The following NDUFA9 variants were observed in gnomAD, a reference collection of about 807,000 sequenced individuals.
The protein encoded by NDUFA9 is NADH:ubiquinone oxidoreductase subunit A9, also known as NADH dehydrogenase [ubiquinone] 1 alpha subcomplex subunit 9, mitochondrial.
In NDUFA9, 23 loss-of-function variants were observed where a neutral mutation model predicts 45.9. That is an observed-to-expected ratio of 0.50 (90% CI 0.36 to 0.71). The LOEUF is 0.71. Among genes scored for constraint, NDUFA9 ranks in the 30% least tolerant of loss-of-function variants. The probability of loss-of-function intolerance (pLI) is 0.00; values close to 1 mark genes in which losing one functional copy is unlikely to be tolerated. For missense variants in NDUFA9, 466 were observed against 488.2 expected, an observed-to-expected ratio of 0.95 and a Z score of 0.43; for synonymous variants, 176 against 170.5, an observed-to-expected ratio of 1.03 and a Z score of -0.25.
chr12:4,689,244 T>C lies in NDUFA9; in HGVS notation c.*2136T>C, dbSNP rs1946005381. 6.6e-6 allele frequency: 1 copy of C among 152,292 alleles called. No homozygotes were observed. The highest frequency in any genetic ancestry group is 1.5e-5 in the Non-Finnish European group (1 of 68,086). 9.4% of individuals were successfully genotyped at this position (152,292 alleles called of 1,614,324 possible). A position where few individuals can be genotyped will look rare whatever the true frequency, so the allele number is the denominator to read the frequency against. ...TTATCTTCATTTTCTAGCAATGCTA[T>C]TTCTCATCTCTAACTTGTATCATCT... On this transcript the variant is annotated 3_prime_UTR_variant, in exon 11 of 11. Transcript: ENST00000266544.
chr12:4,651,027 A>G (rs1164997201), intron 1 of NDUFA9, among the ~76,000 whole-genome samples: 6 of 152,348 alleles, frequency 3.9e-5, no homozygotes, highest in African/African-American at 1.2e-4. Context: ...TGCTTTCTAT[A>G]GTAATAATAG....
At chr12:4,678,118 A>T (rs1467660571) in intron 8 of NDUFA9, among the ~76,000 whole-genome samples, 1 of 152,132 alleles carries the variant, frequency 6.6e-6, no homozygotes, top group Non-Finnish European at 1.5e-5. Flanking sequence ...TGAACATCAC[A>T]CACTGGGGCC....
At chr12:4,685,177 C>G (rs773192442) in intron 9 of NDUFA9, 82 bp from the exon 10 acceptor site, 1 of 1,240,440 alleles carries the variant, frequency 8.1e-7, no homozygotes, top group African/African-American at 1.5e-5. Context: ...AGCGGTCTGT[C>G]TTCCTGCAGT....
chr12:4,669,411 T>A (rs1050530391), intron 7 of NDUFA9, among the ~76,000 whole-genome samples: 7 of 152,154 alleles, frequency 4.6e-5, no homozygotes, highest in African/African-American at 1.7e-4. Flanking sequence ...CAAAAGCAAA[T>A]CAGAGGGGCC....
At chr12:4,666,639 A>T (rs1215230810) in intron 6 of NDUFA9, among the ~76,000 whole-genome samples, 1 of 152,154 alleles carries the variant, frequency 6.6e-6, no homozygotes, top group Non-Finnish European at 1.5e-5. Context: ...ATCTTTCCCC[A>T]TTGAATGGTC....
At chr12:4,664,259 G>C (rs915561370) in intron 6 of NDUFA9, among the ~76,000 whole-genome samples, 1 of 152,264 alleles carries the variant, frequency 6.6e-6, no homozygotes, top group East Asian at 1.9e-4. Flanking sequence ...AGAGATTGTG[G>C]ATGCGACTCA....
At chr12:4,656,181 T>A (rs1945789493) in intron 3 of NDUFA9, among the ~76,000 whole-genome samples, 1 of 152,240 alleles carries the variant, frequency 6.6e-6, no homozygotes, top group East Asian at 1.9e-4. Flanking sequence ...TGACTCAGTG[T>A]TCACAAGCTA....
chr12:4,679,524 C>CA (rs1239341040), intron 8 of NDUFA9, among the ~76,000 whole-genome samples: 1 of 152,002 alleles, frequency 6.6e-6, no homozygotes, highest in Non-Finnish European at 1.5e-5. Flanking sequence ...AAGGAAAGTC[C>CA]AGTTAATTGG....
At chr12:4,669,341 G>C (rs892883039) in intron 7 of NDUFA9, among the ~76,000 whole-genome samples, 1 of 152,202 alleles carries the variant, frequency 6.6e-6, no homozygotes, top group Non-Finnish European at 1.5e-5. Flanking sequence ...AAGCCTAATA[G>C]CTTGTGATGG....
Position 4,690,780 on chromosome 12 carries a change from T to TCC in NDUFA9, c.*3673_*3674insCC, listed in dbSNP as rs1342921552. The TCC allele has an allele frequency of 3.3e-5, 5 of 152,156 alleles. No homozygotes were observed. The highest frequency in any genetic ancestry group is 1.2e-4 in the African/African-American group (5 of 41,426). 9.4% of individuals were successfully genotyped at this position (152,156 alleles called of 1,614,324 possible). ...ATATATGGGAATATATGCAAAGATC[T>TCC]CTGAGAAGATAAAGAAAGGTCTCTG... On this transcript the variant is annotated 3_prime_UTR_variant, in exon 11 of 11. Coordinates refer to ENST00000266544, the MANE Select transcript of NDUFA9 (RefSeq NM_005002.5).
At chr12:4,665,537 A>G (rs148849513) in intron 6 of NDUFA9, among the ~76,000 whole-genome samples, 67 of 152,320 alleles carry the variant, frequency 4.4e-4, no homozygotes, top group African/African-American at 1.5e-3. Context: ...TAATGCTGCA[A>G]TGACCATGGA....
At chr12:4,675,201 A>G (rs1945911613) in intron 8 of NDUFA9, among the ~76,000 whole-genome samples, 2 of 152,242 alleles carry the variant, frequency 1.3e-5, no homozygotes, top group South Asian at 4.1e-4. Context: ...CTAAATGCCC[A>G]CAAGAGAAAG....
Position 4,689,542 on chromosome 12 carries a change from T to C in NDUFA9, c.*2434T>C, listed in dbSNP as rs1046152849. 9 of 166,956 alleles carry C rather than the reference T, an allele frequency of 5.4e-5. No individual in the cohort carries two copies. In the East Asian group the frequency reaches 7.1e-4, roughly 13 times the overall value. The allele number at this position is 166,956 out of a possible 1,614,324, so 10.3% of individuals were successfully genotyped here. A position where few individuals can be genotyped will look rare whatever the true frequency, so the allele number is the denominator to read the frequency against. Reference sequence around the variant, plus strand: ...GCCTTCAAGCATCTGTTTAACAAAGTACATCTTGCACCGCCCTTAATCCAT... The same window carrying C: ...GCCTTCAAGCATCTGTTTAACAAAGCACATCTTGCACCGCCCTTAATCCAT... On this transcript the variant is annotated 3_prime_UTR_variant, in exon 11 of 11. Transcript: ENST00000266544.
chr12:4,669,651 T>C, intron 7 of NDUFA9, 90 bp from the exon 8 acceptor site: 2 of 838,900 alleles, frequency 2.4e-6, no homozygotes, highest in South Asian at 1.6e-5. Context: ...TTCCTTCCTT[T>C]TTCTCTTCTT....
intron 1 of NDUFA9, among the ~76,000 whole-genome samples, chr12:4,652,129 T>A (rs1223456926): frequency 6.6e-6 from 1 of 152,224 alleles, no homozygotes; most frequent in Non-Finnish European, 1.5e-5. Context: ...ATAGTTGATA[T>A]GTGATAATTC....
intron 7 of NDUFA9, 87 bp downstream of exon 7, chr12:4,668,611 G>A (rs2137474444): frequency 8.2e-7 from 1 of 1,212,504 alleles, no homozygotes; most frequent in Non-Finnish European, 1.2e-6. Context: ...TCCTAATTTA[G>A]TAACTCTGTC....
chr12:4,676,822 A>G (rs943661938), intron 8 of NDUFA9, among the ~76,000 whole-genome samples: 1 of 152,206 alleles, frequency 6.6e-6, no homozygotes, highest in Admixed American at 6.5e-5. Flanking sequence ...TATGGAACCA[A>G]AAAAGAGCCC....
chr12:4,667,581 G>A lies in NDUFA9; in HGVS notation c.656-876G>A, dbSNP rs371290259. On this transcript the variant is annotated intron_variant, in intron 6 of 10. Transcript: ENST00000266544. ...GGCTGGAGTGCGGTGGCGTGATCTC[G>A]GCTCACTGCAACCTCTGCCTCCCAG... The A allele has an allele frequency of 1.8e-3, 381 of 208,894 alleles. 1 individual carries two copies. The highest frequency in any genetic ancestry group is 9.0e-3 in the African/African-American group (368 of 40,766). The allele number at this position is 208,894 out of a possible 1,614,324, so 12.9% of individuals were successfully genotyped here.
chr12:4,658,147 G>A (rs888494463), intron 4 of NDUFA9, among the ~76,000 whole-genome samples: 1 of 152,226 alleles, frequency 6.6e-6, no homozygotes, highest in East Asian at 1.9e-4. Flanking sequence ...GATTTTGCCT[G>A]TTCTGCTGTT....
Sources: gnomAD v4.1 joint callset for allele counts (sites outside exome capture counted in the v4.1 genomes callset) on GRCh38, gnomAD v4.1.1 for gene constraint, MANE v1.5 for transcripts, NCBI Gene and HGNC (gene_info 2026-07-23, HGNC 2026-07-21) for gene names.